The following IL17RE variants were observed in gnomAD, a reference collection of about 807,000 sequenced individuals.
The protein encoded by IL17RE is interleukin-17 receptor E.
IL17RE carries 47 observed loss-of-function variants against 70.7 expected under a neutral mutation model. The observed-to-expected ratio is 0.67, with a 90% CI of 0.53 to 0.85. The LOEUF (loss-of-function observed/expected upper bound fraction) is 0.85. IL17RE is among the 40% of genes least tolerant of loss of function. The pLI is 0.00. For synonymous variants in IL17RE, 372 were observed against 381.2 expected (o/e 0.98, Z 0.28); for missense variants, 850 against 893.9 (o/e 0.95, Z 0.63).
intron 12 of IL17RE, chr3:9,911,807 CT>C (rs1301505891): frequency 0.09 from 33,602 of 374,890 alleles, no homozygotes; most frequent in South Asian, 0.13. Context: ...TTCTTTTTTT[CT>C]TTTTTTTTTT....
Position 9,904,114 on chromosome 3 carries a change from C to A in IL17RE, c.231C>A (p.Ser77=), listed in dbSNP as rs538066760. The A allele has an allele frequency of 6.2e-7, 1 of 1,614,196 alleles. No individual in the cohort carries two copies. Among genetic ancestry groups the A allele is most frequent in the Admixed American group, 1.7e-5 (1 of 60,020 alleles). The change falls in exon 3 of 16, where the codon TCC becomes TCA. Residue 77 remains serine (S), a synonymous_variant. Coordinates refer to ENST00000383814, the MANE Select transcript of IL17RE (RefSeq NM_153480.2). ...KPWCVRVWHC[S]RCLCQHLLSG... ...GGTGTGTGCGAGTCTGGCACTGTTC[C>A]CGCTGTTTGTGCCAGCATCTGCTGT...
rs1340401030 is a variant in IL17RE, at chr3:9,915,606, C to T, written c.1803C>T (p.Gly601=). ...LAYFSRLCAK[G]DIPPPLRALP... ...ACTTCAGTCGCCTCTGCGCCAAGGGCGACATCCCCCCGCCGCTGCGCGCCC... is the reference window on the plus strand; with the variant it reads ...ACTTCAGTCGCCTCTGCGCCAAGGGTGACATCCCCCCGCCGCTGCGCGCCC... The change falls in exon 16 of 16, where the codon GGC becomes GGT. Residue 601 remains glycine, a synonymous_variant. Transcript: ENST00000383814. The surrounding 1 kb of genome is among the most constrained non-coding windows in gnomAD (Gnocchi z 4.9). 1.4e-6 allele frequency: 2 copies of T among 1,419,916 alleles called. No individual in the cohort carries two copies. Among genetic ancestry groups the T allele is most frequent in the African/African-American group, 1.5e-5 (1 of 67,076 alleles). The allele number at this position is 1,419,916 out of a possible 1,614,324, so 88.0% of individuals were successfully genotyped here. A position where few individuals can be genotyped will look rare whatever the true frequency, so the allele number is the denominator to read the frequency against.
Position 9,906,699 on chromosome 3 carries a change from C to T in IL17RE, c.367-7C>T. On this transcript the variant is annotated splice_polypyrimidine_tract_variant and splice_region_variant and intron_variant, in intron 4 of 15. Transcript: ENST00000383814. ...GGCCTGAGGCCAACCTTGTTCTCTGCCTTTAGAGGAAGCTGCTGCCTCGTC... is the reference window on the plus strand; with the variant it reads ...GGCCTGAGGCCAACCTTGTTCTCTGTCTTTAGAGGAAGCTGCTGCCTCGTC... 1 of 1,614,132 alleles carries T rather than the reference C, an allele frequency of 6.2e-7. No individual in the cohort carries two copies. Among genetic ancestry groups the T allele is most frequent in the Non-Finnish European group, 8.5e-7 (1 of 1,179,994 alleles).
rs924303618 is a variant in IL17RE, at chr3:9,903,985, G to A, written c.149-47G>A. ...AAATCCAGCTTGTTGGAGGTAGGAG[G>A]GACCTTCTTAGACCCTATCATTTGC... is the stretch of plus-strand genomic sequence containing the variant. On this transcript the variant is annotated intron_variant, in intron 2 of 15. Coordinates refer to ENST00000383814, the MANE Select transcript of IL17RE (RefSeq NM_153480.2). 5.6e-6 allele frequency: 9 copies of A among 1,605,530 alleles called. No individual in the cohort carries two copies. In the African/African-American group the frequency reaches 9.4e-5, roughly 17 times the overall value.
intron 1 of IL17RE, 161 bp downstream of exon 1, chr3:9,903,225 G>A: frequency 1.0e-6 from 1 of 952,454 alleles, no homozygotes; most frequent in Non-Finnish European, 1.6e-6. Context: ...CCTTTGTGCT[G>A]AGGGCCTGGA....
intron 6 of IL17RE, 69 bp downstream of exon 6, chr3:9,907,169 C>A: frequency 1.9e-6 from 3 of 1,586,870 alleles, no homozygotes; most frequent in Non-Finnish European, 2.6e-6. Flanking sequence ...ACCCATTGTA[C>A]AAATGAGGAA....
chr3:9,915,661 C>T lies in IL17RE; in HGVS notation c.1858C>T (p.Pro620Ser). 1 of 1,403,100 alleles carries T rather than the reference C, an allele frequency of 7.1e-7. No individual in the cohort carries two copies. Among genetic ancestry groups the T allele is most frequent in the Non-Finnish European group, 9.2e-7 (1 of 1,086,234 alleles). The allele number at this position is 1,403,100 out of a possible 1,614,324, so 86.9% of individuals were successfully genotyped here. The change falls in exon 16 of 16, where the codon CCG becomes TCG. Residue 620 changes from proline (P) to serine (S), a missense_variant. Physicochemically the swap from Pro to Ser is moderately conservative, Grantham distance 74. Coordinates refer to ENST00000383814, the MANE Select transcript of IL17RE (RefSeq NM_153480.2). The surrounding 1 kb of genome is among the most constrained non-coding windows in gnomAD (Gnocchi z 4.9). ...GCGCTACCGCCTGCTGCGCGACCTGCCGCGTCTGCTGCGGGCGCTGGACGC... is the reference window on the plus strand; with the variant it reads ...GCGCTACCGCCTGCTGCGCGACCTGTCGCGTCTGCTGCGGGCGCTGGACGC... The part of the protein sequence containing the change: ...LPRYRLLRDL[P>S]RLLRALDARP...
chr3:9,914,998 G>A (rs2082981085), intron 15 of IL17RE, among the ~76,000 whole-genome samples: 1 of 152,232 alleles, frequency 6.6e-6, no homozygotes, highest in Non-Finnish European at 1.5e-5. Context: ...GGCTAGTGGG[G>A]CAGAAATCCA....
intron 7 of IL17RE, among the ~76,000 whole-genome samples, chr3:9,908,944 T>C (rs1336458214): frequency 6.6e-6 from 1 of 152,108 alleles, no homozygotes; most frequent in Non-Finnish European, 1.5e-5. Context: ...AGACCAAAGC[T>C]GAGGAATGCG....
At chr3:9,914,103 T>C in intron 13 of IL17RE, 79 bp downstream of exon 13, 1 of 1,180,502 alleles carries the variant, frequency 8.5e-7, no homozygotes, top group Non-Finnish European at 1.3e-6. Context: ...GGAAAATCCA[T>C]TCTGCAAAAA....
Position 9,908,305 on chromosome 3 carries a change from G to A in IL17RE, c.733G>A (p.Glu245Lys). ...ATTCCTTCTGCCCTGTCTGTGCATA[G>A]AGGTGAGCAAAGGAAAAGGTGTGGG... Reference protein sequence around the residue: ...YEFLLPCLCIEASYLQEDTVR... With the variant: ...YEFLLPCLCIKASYLQEDTVR... Residue 245 changes from glutamate (E) to lysine (K), a missense_variant and splice_region_variant, in exon 7 of 16, where the codon GAG (glutamate) becomes AAG (lysine). Glu to Lys is a moderately conservative substitution (Grantham distance 56). Coordinates refer to ENST00000383814, the MANE Select transcript of IL17RE (RefSeq NM_153480.2). 2.5e-6 allele frequency: 4 copies of A among 1,614,012 alleles called. No individual in the cohort carries two copies. The highest frequency in any genetic ancestry group is 3.4e-6 in the Non-Finnish European group (4 of 1,179,904).
At chr3:9,914,119 G>C in intron 13 of IL17RE, 95 bp downstream of exon 13, 1 of 1,018,636 alleles carries the variant, frequency 9.8e-7, no homozygotes, top group Non-Finnish European at 1.6e-6. Context: ...AAAAATGTTT[G>C]GTTTGGCCAG....
intron 8 of IL17RE, 98 bp downstream of exon 8, chr3:9,909,381 CT>C: frequency 3.8e-6 from 4 of 1,063,920 alleles, no homozygotes; most frequent in Non-Finnish European, 5.7e-6. Context: ...ACACCCCGCA[CT>C]TCACACATGT....
rs2082971415 is a variant in IL17RE, at chr3:9,914,665, C to T, written c.1349-14C>T. ...ACTGAGGAACTGGGCTTGGCCTCAT[C>T]CTGCTTGACTCAGTCTCTTACAGAC... On this transcript the variant is annotated splice_polypyrimidine_tract_variant and intron_variant, in intron 14 of 15. Coordinates refer to ENST00000383814, the MANE Select transcript of IL17RE (RefSeq NM_153480.2). The T allele has an allele frequency of 6.2e-7, 1 of 1,613,778 alleles. No individual in the cohort carries two copies. Among genetic ancestry groups the T allele is most frequent in the East Asian group, 2.2e-5 (1 of 44,886 alleles).
In IL17RE at chr3:9,914,589, G is replaced by GT. The variant is rs772515372; in HGVS notation, c.1339dup (p.Cys447LeufsTer64). On this transcript the variant is annotated frameshift_variant, in exon 14 of 16. Transcript: ENST00000383814. LOFTEE classifies it high-confidence loss of function. ...TCCAGTTTGCCTGGAAGCACCTCTT[G>GT]TGTCCGGATGGTGAGTTCTTGGGGA... 70 of 1,613,890 alleles carry GT rather than the reference G, an allele frequency of 4.3e-5. No homozygotes were observed. Among genetic ancestry groups the GT allele is most frequent in the Non-Finnish European group, 5.8e-5 (68 of 1,179,926 alleles).
At chr3:9,911,787 T>A in intron 12 of IL17RE, 190 bp downstream of exon 12, 1 of 489,670 alleles carries the variant, frequency 2.0e-6, no homozygotes. Context: ...AAGGGAGCAT[T>A]TTCTTTTTTT....
At chr3:9,907,873 C>T (rs1202976824) in intron 6 of IL17RE, among the ~76,000 whole-genome samples, 2 of 152,110 alleles carry the variant, frequency 1.3e-5, no homozygotes, top group Non-Finnish European at 2.9e-5. Context: ...TGCTGTTGAA[C>T]CCCTGAGGCC....
rs201632893 is a variant in IL17RE, at chr3:9,903,420, G to T, written c.148+8G>T. The T allele has an allele frequency of 1.9e-6, 3 of 1,613,748 alleles. No homozygotes were observed. The highest frequency in any genetic ancestry group is 1.1e-5 in the South Asian group (1 of 91,086). ...AGGATGACAGTTTCACTGGTGAGTCGCATTTCCTGCCCCATTGCTCCTCCC... is the reference window on the plus strand; with the variant it reads ...AGGATGACAGTTTCACTGGTGAGTCTCATTTCCTGCCCCATTGCTCCTCCC... On this transcript the variant is annotated splice_region_variant and intron_variant, in intron 2 of 15. Transcript: ENST00000383814.
chr3:9,911,487 C>A lies in IL17RE; in HGVS notation c.1117C>A (p.Gln373Lys), dbSNP rs796120191. 6.2e-7 allele frequency: 1 copy of A among 1,614,224 alleles called. No individual in the cohort carries two copies. Among genetic ancestry groups the A allele is most frequent in the Non-Finnish European group, 8.5e-7 (1 of 1,180,046 alleles). ...TGTAAGCATGGATACCCAAGCCCAG[C>A]AGCTGATTCTTCACTTCTCCTCAAG... is the stretch of plus-strand genomic sequence containing the variant. ...WNVSMDTQAQ[Q>K]LILHFSSRMH... Residue 373 changes from glutamine (Q) to lysine (K), a missense_variant, in exon 12 of 16, where the codon CAG (glutamine) becomes AAG (lysine). Coordinates refer to ENST00000383814, the MANE Select transcript of IL17RE (RefSeq NM_153480.2).
Sources: gnomAD v4.1 joint callset for allele counts (sites outside exome capture counted in the v4.1 genomes callset) on GRCh38, gnomAD v4.1.1 for gene constraint, Gnocchi (gnomAD v3.1) non-coding constraint, MANE v1.5 for transcripts, NCBI Gene and HGNC (gene_info 2026-07-23, HGNC 2026-07-21) for gene names.